The following KIAA1217 variants were observed in gnomAD, a reference collection of about 807,000 sequenced individuals.
The protein encoded by KIAA1217 is KIAA1217, also known as sickle tail protein homolog.
Under a neutral mutation model 163.9 loss-of-function variants are expected in KIAA1217, and 88 were observed. The ratio of observed to expected loss-of-function variants is 0.54; its 90% CI spans 0.45 to 0.64. The LOEUF is 0.64. Among genes scored for constraint, KIAA1217 ranks in the 30% least tolerant of loss-of-function variants. The pLI is 0.00. For missense variants in KIAA1217, 2,372 were observed against 2,475.0 expected (o/e 0.96, Z 0.88); for synonymous variants, 903 against 923.1 (o/e 0.98, Z 0.39).
At chr10:24,289,691 A>G (rs572564184) in intron 2 of KIAA1217, among the ~76,000 whole-genome samples, 1 of 151,980 alleles carries the variant, frequency 6.6e-6, no homozygotes, top group African/African-American at 2.4e-5. Context: ...GAATGTTGAG[A>G]AGGATTGTCA....
chr10:23,872,539 A>G (rs943149719), intron 1 of KIAA1217, among the ~76,000 whole-genome samples: 1 of 152,068 alleles, frequency 6.6e-6, no homozygotes, highest in African/African-American at 2.4e-5. Flanking sequence ...CCACAAATAT[A>G]TCTCCACTAG....
intron 1 of KIAA1217, among the ~76,000 whole-genome samples, chr10:23,753,250 A>G (rs1833742526): frequency 6.6e-6 from 1 of 152,198 alleles, no homozygotes; most frequent in South Asian, 2.1e-4. Flanking sequence ...ATTCACCAGC[A>G]TTGCTTAAAG....
At chr10:23,854,400 C>G (rs1038515597) in intron 1 of KIAA1217, among the ~76,000 whole-genome samples, 63 of 152,032 alleles carry the variant, frequency 4.1e-4, no homozygotes, top group African/African-American at 1.4e-3. Context: ...AATTTCTGTT[C>G]TTTTACATTT....
upstream of KIAA1217, chr10:24,209,108 C>A (rs1435219211): frequency 8.6e-7 from 1 of 1,168,408 alleles, no homozygotes; most frequent in Non-Finnish European, 1.3e-6. Context: ...CAGCCCCGGG[C>A]CCCCTCCCAG....
At chr10:24,378,848 G>T (rs1468468122) in intron 2 of KIAA1217, among the ~76,000 whole-genome samples, 1 of 152,138 alleles carries the variant, frequency 6.6e-6, no homozygotes, top group African/African-American at 2.4e-5. Context: ...GAGCTAAATA[G>T]CTATGTTTAG....
chr10:24,076,440 T>C (rs1403981285), intron 2 of KIAA1217, among the ~76,000 whole-genome samples: 1 of 152,220 alleles, frequency 6.6e-6, no homozygotes, highest in Non-Finnish European at 1.5e-5. Flanking sequence ...TGCCACTCTC[T>C]GGAGCATAGC....
At chr10:24,338,799 AATTG>A (rs1402942317) in intron 2 of KIAA1217, among the ~76,000 whole-genome samples, 1 of 152,166 alleles carries the variant, frequency 6.6e-6, no homozygotes, top group Non-Finnish European at 1.5e-5. Flanking sequence ...ATCTAGACAG[AATTG>A]ATTATTATTA....
At chr10:24,022,529 G>A (rs1287950566) in intron 2 of KIAA1217, among the ~76,000 whole-genome samples, 2 of 151,678 alleles carry the variant, frequency 1.3e-5, no homozygotes, top group Admixed American at 1.3e-4. Flanking sequence ...AAATGGTCCA[G>A]CCACTTTTGA....
chr10:24,507,910 C>T (rs949698931), intron 9 of KIAA1217, among the ~76,000 whole-genome samples: 1 of 152,140 alleles, frequency 6.6e-6, no homozygotes, highest in Non-Finnish European at 1.5e-5. Flanking sequence ...AGAATTAATG[C>T]CAACTTCTCA....
intron 2 of KIAA1217, among the ~76,000 whole-genome samples, chr10:24,174,089 G>A (rs750570279): frequency 7.3e-4 from 111 of 152,154 alleles, no homozygotes; most frequent in Non-Finnish European, 1.4e-3. Context: ...CCTGACTTCC[G>A]GAGAAGGGGC....
chr10:24,538,739 T>TTG (rs1554943371), intron 17 of KIAA1217, among the ~76,000 whole-genome samples: 3 of 126,032 alleles, frequency 2.4e-5, no homozygotes, highest in African/African-American at 3.9e-5. Flanking sequence ...TTGGTTTTTT[T>TTG]TTTTTTTTTT....
intron 2 of KIAA1217, among the ~76,000 whole-genome samples, chr10:24,307,647 G>A (rs925825264): frequency 1.3e-5 from 2 of 151,948 alleles, no homozygotes; most frequent in African/African-American, 2.4e-5. Flanking sequence ...CAGGCATAGT[G>A]GCAACATGCC....
chr10:24,535,013 C>T (rs544628073), intron 16 of KIAA1217, among the ~76,000 whole-genome samples: 5 of 152,224 alleles, frequency 3.3e-5, no homozygotes, highest in African/African-American at 1.2e-4. Context: ...GGCCAGTGGC[C>T]ATAATGATTC....
intron 6 of KIAA1217, among the ~76,000 whole-genome samples, chr10:24,478,659 A>T (rs191614486): frequency 4.2e-4 from 64 of 152,294 alleles, no homozygotes; most frequent in Non-Finnish European, 7.2e-4. Context: ...ACCAGGAGAG[A>T]CTGCCCAAGG....
chr10:23,842,930 A>G (rs1838855823), intron 1 of KIAA1217, among the ~76,000 whole-genome samples: 2 of 152,156 alleles, frequency 1.3e-5, no homozygotes, highest in Non-Finnish European at 2.9e-5. Context: ...AAATTTCAAG[A>G]AATGTTTATT....
At chr10:24,092,722 A>G (rs1286817043) in intron 2 of KIAA1217, among the ~76,000 whole-genome samples, 1 of 151,870 alleles carries the variant, frequency 6.6e-6, no homozygotes, top group East Asian at 1.9e-4. Context: ...GGAATGGGAA[A>G]CAAATAGTAG....
intron 1 of KIAA1217, among the ~76,000 whole-genome samples, chr10:23,881,214 G>A (rs1840935342): frequency 6.6e-6 from 1 of 151,906 alleles, no homozygotes; most frequent in Admixed American, 6.6e-5. Flanking sequence ...CTTTGAACCT[G>A]ATTAAGTTTT....
At chr10:24,521,653 A>C (rs1592635930) in intron 11 of KIAA1217, 129 bp from the exon 12 acceptor site, 1 of 1,107,840 alleles carries the variant, frequency 9.0e-7, no homozygotes, top group Non-Finnish European at 1.3e-6. Flanking sequence ...ACCCACTGCC[A>C]CCTGAAGATG....
chr10:24,127,841 C>T (rs1238198251), intron 2 of KIAA1217, among the ~76,000 whole-genome samples: 3 of 152,138 alleles, frequency 2.0e-5, no homozygotes, highest in African/African-American at 7.2e-5. Flanking sequence ...TTATTACTTC[C>T]TTTGAACATC....
Sources: allele counts gnomAD v4.1 joint callset (sites outside exome capture counted in the v4.1 genomes callset), GRCh38; gene constraint gnomAD v4.1.1; transcripts MANE v1.5; gene names NCBI Gene and HGNC (gene_info 2026-07-23, HGNC 2026-07-21).